IGFL2: variants seen among roughly 807,000 people sequenced by gnomAD.
The protein encoded by IGFL2 is IGF like family member 2.
IGFL2 carries 7 observed loss-of-function variants against 13.9 expected under a neutral mutation model. The observed-to-expected ratio is 0.51, with a 90% CI of 0.29 to 0.95. The LOEUF (loss-of-function observed/expected upper bound fraction) is 0.95. Among genes scored for constraint, IGFL2 ranks in the 40% least tolerant of loss-of-function variants. The probability of loss-of-function intolerance (pLI) is 0.08; values close to 1 mark genes in which losing one functional copy is unlikely to be tolerated. For missense variants in IGFL2, 138 were observed against 147.8 expected (o/e 0.93, Z 0.34); for synonymous variants, 55 against 55.8 (o/e 0.99, Z 0.07).
At chr19:46,140,111 G>A (rs1439974769), upstream of IGFL2, among the ~76,000 whole-genome samples, 1 of 151,810 alleles carries the variant, frequency 6.6e-6, no homozygotes, top group Non-Finnish European at 1.5e-5. Flanking sequence ...CACCATGCTG[G>A]GCCAATTTTT....
the IGFL2 span, among the ~76,000 whole-genome samples, chr19:46,086,175 T>C: frequency 6.6e-6 from 1 of 152,266 alleles, no homozygotes; most frequent in Non-Finnish European, 1.5e-5. Flanking sequence ...TTCTCTTTAA[T>C]GATACCTATC....
At chr19:46,134,482 A>G in the IGFL2 span, among the ~76,000 whole-genome samples, 3 of 152,212 alleles carry the variant, frequency 2.0e-5, no homozygotes, top group Non-Finnish European at 4.4e-5. Context: ...GCAACTCACC[A>G]TACTGTAGAA....
chr19:46,141,945 C>A (rs12151345), upstream of IGFL2, among the ~76,000 whole-genome samples: 1 of 151,966 alleles, frequency 6.6e-6, no homozygotes, highest in Non-Finnish European at 1.5e-5. Flanking sequence ...TTACCTCACC[C>A]CTCCCTTGCT....
chr19:46,190,073 T>C, the IGFL2 span: 1 of 152,314 alleles, frequency 6.6e-6, no homozygotes, highest in East Asian at 1.9e-4. Context: ...CACGGTGTTA[T>C]GTGTCAGTTT....
At chr19:46,197,732 A>G in the IGFL2 span, among the ~76,000 whole-genome samples, 1 of 151,848 alleles carries the variant, frequency 6.6e-6, no homozygotes. Context: ...GGGTTTCAGC[A>G]TGTTGTTCAG....
the IGFL2 span, among the ~76,000 whole-genome samples, chr19:46,133,171 T>TC: frequency 1.3e-5 from 2 of 151,794 alleles, no homozygotes; most frequent in African/African-American, 4.8e-5. Flanking sequence ...CTCACAAGTC[T>TC]CCCCCTCAGG....
chr19:46,194,907 G>T, the IGFL2 span, among the ~76,000 whole-genome samples: 2 of 120,998 alleles, frequency 1.7e-5, no homozygotes, highest in East Asian at 2.3e-4. Context: ...TTGAGACAGG[G>T]TCTTGCTATT....
At chr19:46,155,278 T>C (rs534598192) in intron 1 of IGFL2, among the ~76,000 whole-genome samples, 228 of 152,340 alleles carry the variant, frequency 1.5e-3, no homozygotes, top group African/African-American at 5.3e-3. Context: ...TGCACTGCCC[T>C]TTCTGAACTG....
the IGFL2 span, chr19:46,137,069 C>T: frequency 6.2e-7 from 1 of 1,600,816 alleles, no homozygotes. Context: ...CAAAACTGAT[C>T]CTGGGGAAGA....
intron 1 of IGFL2, chr19:46,149,108 C>A: frequency 1.7e-6 from 2 of 1,185,164 alleles, no homozygotes; most frequent in Non-Finnish European, 1.2e-6. Context: ...GCAATGCCTG[C>A]TGTGTTCACT....
chr19:46,132,801 T>G, the IGFL2 span, among the ~76,000 whole-genome samples: 7 of 151,928 alleles, frequency 4.6e-5, no homozygotes, highest in African/African-American at 1.7e-4. Flanking sequence ...TTCTTGGGAC[T>G]GGAACCCAAA....
At chr19:46,124,686 G>A in the IGFL2 span, 2 of 1,593,150 alleles carry the variant, frequency 1.3e-6, no homozygotes, top group South Asian at 1.1e-5. Context: ...GAAGAAGAGT[G>A]GTAAAAGGCT....
chr19:46,172,758 T>C, the IGFL2 span, among the ~76,000 whole-genome samples: 5 of 152,188 alleles, frequency 3.3e-5, no homozygotes, highest in South Asian at 2.1e-4. Context: ...CGCTCTGTCA[T>C]GTAGACTGGA....
At chr19:46,109,090 G>A in the IGFL2 span, among the ~76,000 whole-genome samples, 92 of 152,278 alleles carry the variant, frequency 6.0e-4, 2 homozygotes, top group African/African-American at 2.1e-3. Context: ...CAAATGTCAC[G>A]TGTGTCTGTA....
the IGFL2 span, among the ~76,000 whole-genome samples, chr19:46,200,052 T>G: frequency 6.6e-6 from 1 of 152,114 alleles, no homozygotes; most frequent in African/African-American, 2.4e-5. Context: ...AATTTTTGTA[T>G]TTTTAGTAGA....
At chr19:46,179,744 C>T in the IGFL2 span, among the ~76,000 whole-genome samples, 1 of 151,992 alleles carries the variant, frequency 6.6e-6, no homozygotes, top group Non-Finnish European at 1.5e-5. Flanking sequence ...GATGAAACTC[C>T]ATCTCTGCTG....
downstream of IGFL2, among the ~76,000 whole-genome samples, chr19:46,161,606 T>C (rs2146894193): frequency 6.6e-6 from 1 of 152,360 alleles, no homozygotes; most frequent in East Asian, 1.9e-4. Context: ...CTTCATTGGT[T>C]TAATGTCTTT....
upstream of IGFL2, among the ~76,000 whole-genome samples, chr19:46,145,920 T>C (rs561286306): frequency 5.3e-4 from 81 of 152,222 alleles, 1 homozygote; most frequent in Admixed American, 1.2e-3. Context: ...ACAGACACTT[T>C]CTGCAGTTGG....
At chr19:46,168,671 T>G in the IGFL2 span, among the ~76,000 whole-genome samples, 6 of 152,118 alleles carry the variant, frequency 3.9e-5, no homozygotes, top group South Asian at 2.1e-4. Context: ...TTGTCCCCCT[T>G]TTTTTGCCTT....
Sources: allele counts gnomAD v4.1 joint callset (sites outside exome capture counted in the v4.1 genomes callset), GRCh38; gene constraint gnomAD v4.1.1; transcripts MANE v1.5; gene names NCBI Gene and HGNC (gene_info 2026-07-23, HGNC 2026-07-21).